Variants in SHC2 observed in about 807,000 individuals in gnomAD.
The protein encoded by SHC2 is SHC adaptor protein 2, also known as SHC-transforming protein 2.
SHC2 carries 62 observed loss-of-function variants against 60.6 expected under a neutral mutation model. That is an observed-to-expected ratio of 1.02 (90% CI 0.83 to 1.26). The LOEUF (loss-of-function observed/expected upper bound fraction) is 1.26, where lower values mean the gene tolerates loss of function less well. SHC2 is among the 50% of genes most tolerant of loss of function. SHC2 has a pLI of 0.00. For missense variants in SHC2, 873 were observed against 822.2 expected (o/e 1.06, Z -0.76); for synonymous variants, 375 against 372.4 (o/e 1.01, Z -0.08).
At chr19:443,030 GATGA>G (rs1398888746) in intron 1 of SHC2, among the ~76,000 whole-genome samples, 4 of 139,990 alleles carry the variant, frequency 2.9e-5, no homozygotes, top group African/African-American at 1.0e-4. Context: ...TGGGTGGGTG[GATGA>G]ATGGATGGAT....
rs530833776 is a variant in SHC2, at chr19:420,134, G to C, written c.1621-1078C>G. Among the ~76,000 whole-genome samples, 6 of 152,290 alleles carry C rather than the reference G, an allele frequency of 3.9e-5. No homozygotes were observed. The East Asian group carries it at 1.2e-3, about 29-fold the overall frequency. On this transcript the variant is annotated intron_variant, in intron 11 of 12. Coordinates refer to ENST00000264554, the MANE Select transcript of SHC2 (RefSeq NM_012435.3). ...TAGTGGCTGCCGGTCTGACCCCAGC[G>C]ATCCATTTAACAGAGAAAATCTGGC...
chr19:444,206 G>A (rs545768318), intron 1 of SHC2, among the ~76,000 whole-genome samples: 1 of 152,218 alleles, frequency 6.6e-6, no homozygotes, highest in Non-Finnish European at 1.5e-5. Flanking sequence ...ATGAACAGAT[G>A]AATGGACTCT....
intron 12 of SHC2, among the ~76,000 whole-genome samples, chr19:417,677 G>A (rs910412351): frequency 9.2e-5 from 14 of 152,244 alleles, no homozygotes; most frequent in African/African-American, 2.7e-4. Flanking sequence ...GGTCACCAAC[G>A]CCTTTCCGAG....
chr19:430,822 G>A lies in SHC2; in HGVS notation c.1111-75C>T, dbSNP rs539014418. 6.6e-4 allele frequency: 919 copies of A among 1,402,390 alleles called. 8 individuals are homozygous for A. The highest frequency in any genetic ancestry group is 5.0e-3 in the Middle Eastern group (23 of 4,588). The allele number at this position is 1,402,390 out of a possible 1,614,324, so 86.9% of individuals were successfully genotyped here. A position where few individuals can be genotyped will look rare whatever the true frequency, so the allele number is the denominator to read the frequency against. ...CTGGCTCTGGACCCCCAGTCTCCCC[G>A]CCCGGCCCTCTTAGATGGCTGGAGA... On this transcript the variant is annotated intron_variant, in intron 8 of 12. Coordinates refer to ENST00000264554, the MANE Select transcript of SHC2 (RefSeq NM_012435.3).
chr19:448,407 C>T (rs887710519), intron 1 of SHC2, among the ~76,000 whole-genome samples: 3 of 152,282 alleles, frequency 2.0e-5, no homozygotes, highest in South Asian at 2.1e-4. Context: ...GGCTTGTGGC[C>T]GTGTTACTCC....
rs760142842 is a variant in SHC2 at position 425,268 on chromosome 19, A to T, written c.1175-37T>A. ...AAAGAGGGGCAGGGGGTCAGCTGGG[A>T]GCCAGGCGAGGGGCTCGCAGGGAGC... On this transcript the variant is annotated intron_variant, in intron 9 of 12. Coordinates refer to ENST00000264554, the MANE Select transcript of SHC2 (RefSeq NM_012435.3). This position sits in a 1 kb window ranked among gnomAD's most constrained non-coding sequence, Gnocchi z 4.1. 3.8e-6 allele frequency: 5 copies of T among 1,310,400 alleles called. No individual in the cohort carries two copies. In the East Asian group the frequency reaches 1.4e-4, roughly 37 times the overall value. 81.2% of individuals were successfully genotyped at this position (1,310,400 alleles called of 1,614,324 possible).
intron 8 of SHC2, among the ~76,000 whole-genome samples, chr19:431,538 G>A (rs1454041250): frequency 2.3e-5 from 1 of 44,106 alleles, no homozygotes; most frequent in African/African-American, 2.3e-4. Flanking sequence ...GATAGAGGAG[G>A]CCGGGCAGAT....
intron 11 of SHC2, among the ~76,000 whole-genome samples, chr19:420,736 G>C (rs561121586): frequency 1.3e-5 from 2 of 152,196 alleles, no homozygotes; most frequent in African/African-American, 4.8e-5. Flanking sequence ...AAATTCAGGC[G>C]GGGAGAGTGT....
intron 11 of SHC2, among the ~76,000 whole-genome samples, chr19:420,496 C>T (rs372916036): frequency 3.2e-4 from 48 of 152,332 alleles, no homozygotes; most frequent in East Asian, 7.7e-4. Context: ...ACGCTCAAAA[C>T]GCTTCATAAA....
chr19:437,256 T>TTGCGAGCTCGTC (rs1974746591), intron 4 of SHC2, among the ~76,000 whole-genome samples: 1 of 151,132 alleles, frequency 6.6e-6, no homozygotes, highest in Admixed American at 6.6e-5. Flanking sequence ...GCGTGCTCGT[T>TTGCGAGCTCGTC]TGCGTGCTCG....
intron 11 of SHC2, among the ~76,000 whole-genome samples, chr19:421,778 C>T (rs1339497811): frequency 2.0e-5 from 3 of 152,072 alleles, no homozygotes; most frequent in African/African-American, 4.8e-5. Flanking sequence ...GGGACGGTGG[C>T]TCACACCTGT....
rs1315807784 is a variant in SHC2, at chr19:436,866, T to C, written c.721-183A>G. Among the ~76,000 whole-genome samples the C allele has an allele frequency of 2.0e-5, 3 of 152,230 alleles. No homozygotes were observed. In the East Asian group the frequency reaches 5.8e-4, roughly 29 times the overall value. On this transcript the variant is annotated intron_variant, in intron 4 of 12. Coordinates refer to ENST00000264554, the MANE Select transcript of SHC2 (RefSeq NM_012435.3). ...TCAGCCTGGACGACCGAGGCTGGGA[T>C]GTGGAGTCCCCAGCAAGGAAGGGAC...
intron 1 of SHC2, among the ~76,000 whole-genome samples, chr19:457,630 G>C (rs1026425758): frequency 6.6e-6 from 1 of 152,134 alleles, no homozygotes; most frequent in East Asian, 1.9e-4. Flanking sequence ...CATCTGTGCC[G>C]GGCAGGGGAA....
At chr19:458,547 G>A (rs1975440120) in intron 1 of SHC2, among the ~76,000 whole-genome samples, 1 of 141,704 alleles carries the variant, frequency 7.1e-6, no homozygotes, top group Non-Finnish European at 1.6e-5. Flanking sequence ...TCGGGTTCCG[G>A]GGAGGTGGAA....
rs557849700 is a variant in SHC2, at chr19:444,700, C to T, written c.469-3768G>A. On this transcript the variant is annotated intron_variant, in intron 1 of 12. Coordinates refer to ENST00000264554, the MANE Select transcript of SHC2 (RefSeq NM_012435.3). ...TAACGATACCGACACCTCGCTAACTCAGGGCGCTTGTCACGTGTAAGTCTC... is the reference window on the plus strand; with the variant it reads ...TAACGATACCGACACCTCGCTAACTTAGGGCGCTTGTCACGTGTAAGTCTC... Among the ~76,000 whole-genome samples the T allele has an allele frequency of 7.2e-5, 11 of 152,326 alleles. No individual in the cohort carries two copies. In the South Asian group the frequency reaches 2.1e-3, roughly 29 times the overall value.
intron 11 of SHC2, chr19:419,284 C>T (rs916814041): frequency 5.4e-5 from 27 of 500,912 alleles, no homozygotes; most frequent in Middle Eastern, 5.2e-4. Flanking sequence ...CGCTTCCTGT[C>T]GGGAGCTGAA....
intron 1 of SHC2, among the ~76,000 whole-genome samples, chr19:459,325 C>T (rs1306725864): frequency 4.0e-5 from 4 of 99,100 alleles, no homozygotes; most frequent in African/African-American, 4.5e-5. Flanking sequence ...CCCACTGAAC[C>T]CAGCGTAGGG....
intron 7 of SHC2, chr19:435,776 A>G (rs968424102): frequency 5.1e-6 from 1 of 197,018 alleles, no homozygotes. Flanking sequence ...TTCAATGTCT[A>G]TAAAAAACGT....
chr19:430,097 G>A (rs369286784), intron 9 of SHC2, among the ~76,000 whole-genome samples: 303 of 118,722 alleles, frequency 2.6e-3, no homozygotes, highest in African/African-American at 8.6e-3. Flanking sequence ...CAACGTGCAC[G>A]GAAACCTAAT....
Sources: allele counts gnomAD v4.1 joint callset (sites outside exome capture counted in the v4.1 genomes callset), GRCh38; gene constraint gnomAD v4.1.1; non-coding constraint Gnocchi (gnomAD v3.1); transcripts MANE v1.5; gene names NCBI Gene and HGNC (gene_info 2026-07-23, HGNC 2026-07-21).